Variants in SRGAP1 observed in about 807,000 individuals in gnomAD.
SRGAP1 encodes the protein SLIT-ROBO Rho GTPase activating protein 1.
SRGAP1 carries 43 observed loss-of-function variants against 121.9 expected under a neutral mutation model. The observed-to-expected ratio is 0.35, with a 90% confidence interval of 0.28 to 0.46. The LOEUF is 0.46. Among genes scored for constraint, SRGAP1 ranks in the 20% least tolerant of loss-of-function variants. The probability of loss-of-function intolerance (pLI) is 1.00; values close to 1 mark genes in which losing one functional copy is unlikely to be tolerated. For synonymous variants in SRGAP1, 447 were observed against 485.4 expected (o/e 0.92, Z 1.04); for missense variants, 1,102 against 1,350.9 (o/e 0.82, Z 2.89).
chr12:63,885,843 T>C (rs1429579337), intron 1 of SRGAP1, among the ~76,000 whole-genome samples: 1 of 152,172 alleles, frequency 6.6e-6, no homozygotes, highest in Non-Finnish European at 1.5e-5. Context: ...GATGAATGCC[T>C]ACACACACAC....
intron 3 of SRGAP1, among the ~76,000 whole-genome samples, chr12:63,990,535 C>T (rs553510054): frequency 3.3e-5 from 5 of 150,456 alleles, no homozygotes; most frequent in Non-Finnish European, 7.4e-5. Context: ...CCGACTCAAA[C>T]AAACAAAAAA....
chr12:64,073,630 A>G (rs901972387), intron 8 of SRGAP1, among the ~76,000 whole-genome samples: 4 of 152,202 alleles, frequency 2.6e-5, no homozygotes, highest in Non-Finnish European at 4.4e-5. Context: ...TATAATATCT[A>G]AAACAATGTA....
At chr12:64,006,105 A>T (rs1371569956) in intron 3 of SRGAP1, among the ~76,000 whole-genome samples, 3 of 152,192 alleles carry the variant, frequency 2.0e-5, no homozygotes, top group Non-Finnish European at 4.4e-5. Context: ...TGAGTAAAGC[A>T]TTCTGGCTGG....
Position 63,990,030 on chromosome 12 carries a change from G to A in SRGAP1, c.384G>A (p.Arg128=), listed in dbSNP as rs2033511198. ...SDIYLNNVIM[R]FMQISEDSTR... is the part of the protein sequence containing the mutation. The stretch of plus-strand genomic sequence containing the variant: ...TCTATCTGAACAATGTGATTATGCG[G>A]TTCATGCAGATAAGTGAGGATTCTA... The change falls in exon 3 of 22, where the codon CGG becomes CGA. Residue 128 remains arginine (R), a synonymous_variant. Coordinates refer to ENST00000355086, the MANE Select transcript of SRGAP1 (RefSeq NM_020762.4). 3 of 1,612,774 alleles carry A rather than the reference G, an allele frequency of 1.9e-6. No homozygotes were observed. The highest frequency in any genetic ancestry group is 2.2e-5 in the East Asian group (1 of 44,876).
chr12:64,047,742 AT>A (rs2035161020), intron 6 of SRGAP1, among the ~76,000 whole-genome samples: 1 of 152,166 alleles, frequency 6.6e-6, no homozygotes, highest in Non-Finnish European at 1.5e-5. Context: ...CAGAAAAGTC[AT>A]AAATTTTCCG....
At chr12:63,901,830 T>C (rs2029946887) in intron 1 of SRGAP1, among the ~76,000 whole-genome samples, 2 of 152,236 alleles carry the variant, frequency 1.3e-5, no homozygotes, top group African/African-American at 4.8e-5. Context: ...ATAATCAAGC[T>C]TGAACTCTAA....
intron 1 of SRGAP1, among the ~76,000 whole-genome samples, chr12:63,939,268 C>G (rs764696969): frequency 2.6e-5 from 4 of 152,080 alleles, no homozygotes; most frequent in Admixed American, 1.3e-4. Flanking sequence ...CAAGACAGAT[C>G]TCAGACTCTT....
chr12:64,118,646 A>G (rs944815694), intron 18 of SRGAP1, among the ~76,000 whole-genome samples: 1 of 152,028 alleles, frequency 6.6e-6, no homozygotes, highest in African/African-American at 2.4e-5. Flanking sequence ...CATTCTCCTG[A>G]TGATTAGTGA....
intron 15 of SRGAP1, among the ~76,000 whole-genome samples, chr12:64,101,308 GGTGTGTGTGTGTGTGTGT>G (rs59020353): frequency 2.9e-5 from 4 of 138,092 alleles, no homozygotes; most frequent in South Asian, 2.5e-4. Flanking sequence ...TGGGGAAAGG[GGTGTGTGTGTGTGTGTGT>G]GTGTGTGTGT....
chr12:64,016,223 A>T (rs537526518), intron 3 of SRGAP1, among the ~76,000 whole-genome samples: 1 of 152,274 alleles, frequency 6.6e-6, no homozygotes, highest in African/African-American at 2.4e-5. Context: ...AGGCAGGCAG[A>T]TTACCGAGTT....
rs1204646320 is a variant in SRGAP1 at position 64,149,128 on chromosome 12, T to C, written c.*6456T>C. The C allele has an allele frequency of 3.9e-5, 6 of 152,364 alleles. No individual in the cohort carries two copies. In the South Asian group the frequency reaches 1.0e-3, roughly 26 times the overall value. The allele number at this position is 152,364 out of a possible 1,614,324, so 9.4% of individuals were successfully genotyped here. A position where few individuals can be genotyped will look rare whatever the true frequency, so the allele number is the denominator to read the frequency against. The stretch of plus-strand genomic sequence containing the variant: ...TATTTCCTGATTAAACTTTGGGTAG[T>C]ATATGCAGATATCTTTAAACATGGA... On this transcript the variant is annotated 3_prime_UTR_variant, in exon 22 of 22. Coordinates refer to ENST00000355086, the MANE Select transcript of SRGAP1 (RefSeq NM_020762.4).
At chr12:64,012,551 CT>C (rs386376760) in intron 3 of SRGAP1, among the ~76,000 whole-genome samples, 93 of 77,660 alleles carry the variant, frequency 1.2e-3, no homozygotes, top group African/African-American at 2.4e-3. Context: ...AAGTTATTAT[CT>C]TTTTTTTTTT....
intron 15 of SRGAP1, among the ~76,000 whole-genome samples, chr12:64,102,247 A>G (rs554049960): frequency 1.8e-4 from 28 of 152,218 alleles, no homozygotes; most frequent in African/African-American, 6.5e-4. Context: ...TTTTGCACCA[A>G]CCTAATGTTA....
chr12:64,088,410 A>C (rs765032068), intron 11 of SRGAP1, among the ~76,000 whole-genome samples: 1 of 152,200 alleles, frequency 6.6e-6, no homozygotes, highest in Non-Finnish European at 1.5e-5. Context: ...TTTTTTTAAA[A>C]AGCAGAAATG....
chr12:64,028,760 T>C (rs1316910693), intron 4 of SRGAP1, among the ~76,000 whole-genome samples: 1 of 152,224 alleles, frequency 6.6e-6, no homozygotes, highest in Non-Finnish European at 1.5e-5. Context: ...CTGATCACCC[T>C]GGTTATGTCC....
intron 1 of SRGAP1, among the ~76,000 whole-genome samples, chr12:63,852,449 T>G (rs1899107513): frequency 6.6e-6 from 1 of 152,012 alleles, no homozygotes. Context: ...TAGAGTGGAG[T>G]GGGTTTCATG....
At chr12:64,066,179 G>A (rs1164754717) in intron 8 of SRGAP1, among the ~76,000 whole-genome samples, 1 of 152,190 alleles carries the variant, frequency 6.6e-6, no homozygotes, top group Non-Finnish European at 1.5e-5. Context: ...TTATCACTTT[G>A]AAGTGATTTC....
intron 1 of SRGAP1, among the ~76,000 whole-genome samples, chr12:63,852,379 C>T (rs1302642247): frequency 6.6e-6 from 1 of 152,160 alleles, no homozygotes; most frequent in Non-Finnish European, 1.5e-5. Flanking sequence ...AGTCTTTTTA[C>T]CAGAATGAAT....
In SRGAP1 at chr12:64,158,373, G is replaced by GT. The variant is rs1292162044; in HGVS notation, c.*15704dup. 6.6e-6 allele frequency: 1 copy of GT among 152,338 alleles called. No homozygotes were observed. The highest frequency in any genetic ancestry group is 2.1e-4 in the South Asian group (1 of 4,830). 9.4% of individuals were successfully genotyped at this position (152,338 alleles called of 1,614,324 possible). ...GATTGTGATTTCAAGTATATGAAAAGTTTAAGACCCAATTGCTTTTGAAGG... is the reference window on the plus strand; with the variant it reads ...GATTGTGATTTCAAGTATATGAAAAGTTTTAAGACCCAATTGCTTTTGAAGG... On this transcript the variant is annotated 3_prime_UTR_variant, in exon 22 of 22. Transcript: ENST00000355086.
Sources: gnomAD v4.1 joint callset for allele counts (sites outside exome capture counted in the v4.1 genomes callset) on GRCh38, gnomAD v4.1.1 for gene constraint, MANE v1.5 for transcripts, NCBI Gene and HGNC (gene_info 2026-07-23, HGNC 2026-07-21) for gene names.